The following WDR70 variants were observed in gnomAD, a reference collection of about 807,000 sequenced individuals.
The protein encoded by WDR70 is WD repeat domain 70.
In WDR70, 53 loss-of-function variants were observed where a neutral mutation model predicts 88.6. The observed-to-expected ratio is 0.60, with a 90% confidence interval of 0.48 to 0.75. WDR70 has a LOEUF of 0.75. Ranked by LOEUF, WDR70 falls within the 30% of genes least tolerant of loss-of-function variation. The probability of loss-of-function intolerance (pLI) is 0.00; values close to 1 mark genes in which losing one functional copy is unlikely to be tolerated. For missense variants in WDR70, 610 were observed against 823.2 expected (o/e 0.74, Z 3.17); for synonymous variants, 280 against 270.0 (o/e 1.04, Z -0.36).
chr5:37,448,119 T>C lies in WDR70; in HGVS notation c.686+4747T>C, dbSNP rs1170244612. On this transcript the variant is annotated intron_variant, in intron 7 of 17. Transcript: ENST00000265107. ...TGTTATTGGTGATCATTTCTTTTTC[T>C]TTTTTGAGTATCAGTATTTACGATT... Among the ~76,000 whole-genome samples, 4 of 152,194 alleles carry C rather than the reference T, an allele frequency of 2.6e-5. No homozygotes were observed. In the East Asian group the frequency reaches 7.7e-4, roughly 29 times the overall value.
At chr5:37,669,071 T>G (rs1399765928) in intron 10 of WDR70, among the ~76,000 whole-genome samples, 1 of 152,178 alleles carries the variant, frequency 6.6e-6, no homozygotes, top group East Asian at 1.9e-4. Flanking sequence ...GTGCAATAAA[T>G]GTTTTATGAA....
At chr5:37,451,877 C>T (rs1271649664) in intron 7 of WDR70, among the ~76,000 whole-genome samples, 1 of 151,946 alleles carries the variant, frequency 6.6e-6, no homozygotes, top group Non-Finnish European at 1.5e-5. Flanking sequence ...GCCTGTTGTC[C>T]CAGCTACTAG....
intron 9 of WDR70, among the ~76,000 whole-genome samples, chr5:37,533,881 G>A (rs985688222): frequency 6.6e-6 from 1 of 152,158 alleles, no homozygotes; most frequent in African/African-American, 2.4e-5. Flanking sequence ...CCTGCATCGA[G>A]TCTATTTCCA....
At chr5:37,610,690 A>C (rs1401687036) in intron 10 of WDR70, among the ~76,000 whole-genome samples, 4 of 152,194 alleles carry the variant, frequency 2.6e-5, no homozygotes. Flanking sequence ...AAATTCAGGG[A>C]ATGATCTGTA....
intron 5 of WDR70, among the ~76,000 whole-genome samples, chr5:37,427,402 A>AT (rs1365850470): frequency 3.5e-5 from 5 of 143,970 alleles, no homozygotes; most frequent in African/African-American, 1.3e-4. Context: ...AATAAAAAAT[A>AT]AAAAAAAAAA....
intron 8 of WDR70, chr5:37,505,640 A>G: frequency 1.3e-6 from 1 of 778,494 alleles, no homozygotes; most frequent in Non-Finnish European, 2.3e-6. Flanking sequence ...GAAAAGTGAT[A>G]AGGAAAATGT....
At chr5:37,746,196 A>T in intron 17 of WDR70, among the ~76,000 whole-genome samples, 1 of 152,230 alleles carries the variant, frequency 6.6e-6, no homozygotes, top group East Asian at 1.9e-4. Flanking sequence ...TAGTGAAATT[A>T]AGGCAGAAAT....
At chr5:37,431,060 G>A (rs1377198549) in intron 5 of WDR70, among the ~76,000 whole-genome samples, 1 of 152,084 alleles carries the variant, frequency 6.6e-6, no homozygotes, top group African/African-American at 2.4e-5. Flanking sequence ...CACTGTGTTG[G>A]CTAGGCTGGT....
chr5:37,734,121 C>T (rs1748233547), intron 17 of WDR70, among the ~76,000 whole-genome samples: 1 of 151,792 alleles, frequency 6.6e-6, no homozygotes, highest in Non-Finnish European at 1.5e-5. Flanking sequence ...AGTAAGTGTA[C>T]CTCCTCCTTT....
intron 10 of WDR70, among the ~76,000 whole-genome samples, chr5:37,667,649 G>GTAT (rs1341081628): frequency 1.3e-5 from 2 of 152,002 alleles, no homozygotes; most frequent in African/African-American, 4.8e-5. Context: ...ATTTGTTTAT[G>GTAT]TATTAGCTAT....
intron 17 of WDR70, among the ~76,000 whole-genome samples, chr5:37,742,056 A>C (rs1468184977): frequency 6.6e-6 from 1 of 152,204 alleles, no homozygotes; most frequent in Non-Finnish European, 1.5e-5. Context: ...TAATGCTGCC[A>C]TGAGCAAATA....
In WDR70 at chr5:37,501,102, A is replaced by G. The variant is rs181451296; in HGVS notation, c.841-15412A>G. Among the ~76,000 whole-genome samples, 250 of 148,448 alleles carry G rather than the reference A, an allele frequency of 1.7e-3. 1 individual carries two copies. Among genetic ancestry groups the G allele is most frequent in the African/African-American group, 5.9e-3 (237 of 40,460 alleles). ...TGTCATTTGTCCACTTTTTGATGGG[A>G]TTTTTTTTTTCTTGCTGATTTGTTT... On this transcript the variant is annotated intron_variant, in intron 8 of 17. Coordinates refer to ENST00000265107, the MANE Select transcript of WDR70 (RefSeq NM_018034.4).
chr5:37,457,761 G>A lies in WDR70; in HGVS notation c.686+14389G>A, dbSNP rs144130623. The stretch of plus-strand genomic sequence containing the variant: ...TTTATATCTTAGAACAGTACAGACT[G>A]TGACCAGTGGCTGAACTCTAGTCCA... On this transcript the variant is annotated intron_variant, in intron 7 of 17. Coordinates refer to ENST00000265107, the MANE Select transcript of WDR70 (RefSeq NM_018034.4). 5.1e-4 allele frequency among the ~76,000 whole-genome samples: 77 copies of A among 152,266 alleles called. 1 individual carries two copies. The East Asian group carries it at 0.01, about 21-fold the overall frequency.
At chr5:37,499,824 A>G (rs1415670773) in intron 8 of WDR70, among the ~76,000 whole-genome samples, 1 of 152,128 alleles carries the variant, frequency 6.6e-6, no homozygotes, top group Non-Finnish European at 1.5e-5. Context: ...GAGTGCTGGG[A>G]TTACAGGCGT....
In WDR70 at chr5:37,630,407, G is replaced by A. The variant is rs916589467; in HGVS notation, c.1092+25169G>A. ...CAGACCCTTGTTGAGGATGTGAGGG[G>A]GTTGGGCAGGACATGTCTTGGGAGG... On this transcript the variant is annotated intron_variant, in intron 10 of 17. Coordinates refer to ENST00000265107, the MANE Select transcript of WDR70 (RefSeq NM_018034.4). 1.3e-5 allele frequency among the ~76,000 whole-genome samples: 2 copies of A among 152,190 alleles called. 1 individual carries two copies. Among genetic ancestry groups the A allele is most frequent in the Non-Finnish European group, 2.9e-5 (2 of 68,032 alleles).
At chr5:37,462,611 A>G (rs966475052) in intron 7 of WDR70, among the ~76,000 whole-genome samples, 113 of 152,166 alleles carry the variant, frequency 7.4e-4, no homozygotes, top group African/African-American at 2.6e-3. Flanking sequence ...CCAAGTCCTT[A>G]ATTTGTAAGT....
intron 10 of WDR70, among the ~76,000 whole-genome samples, chr5:37,651,142 A>G (rs193185335): frequency 3.6e-4 from 55 of 151,814 alleles, no homozygotes; most frequent in African/African-American, 1.3e-3. Flanking sequence ...GCCCCAGTGT[A>G]TGATGTTCCC....
chr5:37,704,101 A>G (rs1747249598), intron 13 of WDR70, among the ~76,000 whole-genome samples: 1 of 152,224 alleles, frequency 6.6e-6, no homozygotes, highest in African/African-American at 2.4e-5. Context: ...GTATTATAGG[A>G]AAAGTGAAAT....
At position 37,653,017 on chromosome 5, in the gene WDR70, T is replaced by C. The variant is rs185047221; in HGVS notation, c.1093-44638T>C. Among the ~76,000 whole-genome samples the C allele has an allele frequency of 3.2e-3, 490 of 152,264 alleles. 1 individual carries two copies. The highest frequency in any genetic ancestry group is 6.8e-3 in the Middle Eastern group (2 of 294). Reference sequence around the variant, plus strand: ...GGGAGGGGGCATCCTTGTCTTGTGCTGGTTTTCAAAGGGAATGCTTCCAGC... The same window carrying C: ...GGGAGGGGGCATCCTTGTCTTGTGCCGGTTTTCAAAGGGAATGCTTCCAGC... On this transcript the variant is annotated intron_variant, in intron 10 of 17. Coordinates refer to ENST00000265107, the MANE Select transcript of WDR70 (RefSeq NM_018034.4).
Sources: gnomAD v4.1 joint callset for allele counts (sites outside exome capture counted in the v4.1 genomes callset) on GRCh38, gnomAD v4.1.1 for gene constraint, MANE v1.5 for transcripts, NCBI Gene and HGNC (gene_info 2026-07-23, HGNC 2026-07-21) for gene names.